ANKRD18B: variants seen among roughly 807,000 people sequenced by gnomAD.
ANKRD18B encodes ankyrin repeat domain-containing protein 18B.
A neutral mutation model predicts 111.8 loss-of-function variants in ANKRD18B; 75 were observed. That is an observed-to-expected ratio of 0.67 (90% confidence interval 0.56 to 0.81). ANKRD18B has a LOEUF of 0.81. Among genes scored for constraint, ANKRD18B ranks in the 40% least tolerant of loss-of-function variants. The pLI is 0.00. For synonymous variants in ANKRD18B, 356 were observed against 417.3 expected, an observed-to-expected ratio of 0.85 and a Z score of 1.79; for missense variants, 1,038 against 1,225.5, an observed-to-expected ratio of 0.85 and a Z score of 2.28.
intron 11 of ANKRD18B, among the ~76,000 whole-genome samples, chr9:33,549,223 T>C (rs559101063): frequency 7.9e-5 from 12 of 152,344 alleles, no homozygotes; most frequent in African/African-American, 2.6e-4. Flanking sequence ...ACAAAGCTGT[T>C]TGAATAAAAA....
intron 2 of ANKRD18B, 36 bp from the exon 3 acceptor site, chr9:33,528,964 G>T: frequency 6.2e-7 from 1 of 1,609,062 alleles, no homozygotes; most frequent in African/African-American, 1.3e-5. Flanking sequence ...TGAATTCTTA[G>T]AATTTATAGT....
chr9:33,559,301 C>T (rs1828572708), intron 14 of ANKRD18B, among the ~76,000 whole-genome samples: 1 of 152,074 alleles, frequency 6.6e-6, no homozygotes, highest in Non-Finnish European at 1.5e-5. Flanking sequence ...ATGCAAATTC[C>T]CCCACAGATG....
At position 33,547,772 on chromosome 9, in the gene ANKRD18B, G is replaced by A. The variant is rs1490393638; in HGVS notation, c.1150-166G>A. ...AATACATTTTTGAACTTTTTGAAAT[G>A]TATGTTCTCTAAGGTTCAAGGTTTT... On this transcript the variant is annotated intron_variant, in intron 10 of 18. Transcript: ENST00000684830. 2.6e-5 allele frequency among the ~76,000 whole-genome samples: 4 copies of A among 151,216 alleles called. No individual in the cohort carries two copies. In the East Asian group the frequency reaches 7.8e-4, roughly 29 times the overall value.
chr9:33,569,629 C>T (rs1265825015), intron 17 of ANKRD18B, among the ~76,000 whole-genome samples: 1 of 152,156 alleles, frequency 6.6e-6, no homozygotes, highest in Non-Finnish European at 1.5e-5. Flanking sequence ...GAATGACAGG[C>T]AACCAAACAC....
At chr9:33,553,706 T>C (rs1828480355) in intron 12 of ANKRD18B, among the ~76,000 whole-genome samples, 1 of 152,168 alleles carries the variant, frequency 6.6e-6, no homozygotes, top group African/African-American at 2.4e-5. Flanking sequence ...GCCATATCTC[T>C]ATGGAAAAGG....
At chr9:33,531,116 T>G (rs542185168) in intron 3 of ANKRD18B, among the ~76,000 whole-genome samples, 29 of 152,356 alleles carry the variant, frequency 1.9e-4, no homozygotes, top group South Asian at 8.3e-4. Context: ...CAATAGGAAT[T>G]CTTTTAATAA....
Position 33,540,120 on chromosome 9 carries a change from G to T in ANKRD18B, c.905G>T (p.Arg302Ile), listed in dbSNP as rs1485290791. 2.6e-5 allele frequency: 4 copies of T among 151,574 alleles called. No homozygotes were observed. The East Asian group carries it at 7.7e-4, about 29-fold the overall frequency. The allele number at this position is 151,574 out of a possible 1,614,324, so 9.4% of individuals were successfully genotyped here. A position where few individuals can be genotyped will look rare whatever the true frequency, so the allele number is the denominator to read the frequency against. The change falls in exon 8 of 19, where the codon AGA becomes ATA. Residue 302 changes from arginine (R) to isoleucine (I), a missense_variant. Physicochemically the swap from Arg to Ile is moderately conservative, Grantham distance 97 (BLOSUM62 -3). This residue lies in a region of ANKRD18B where 93 missense variants were observed against 141.3 expected (regional missense o/e 0.66). Transcript: ENST00000684830. ...HQSGVQWHDL[R>I]LLQPSPPRFK... ...TCTGGAGTCCAGTGGCATGATCTCA[G>T]ATTACTGCAGCCTTCACCTCCCAGG...
intron 12 of ANKRD18B, among the ~76,000 whole-genome samples, chr9:33,554,808 C>A (rs1307168169): frequency 3.9e-5 from 6 of 152,086 alleles, no homozygotes; most frequent in African/African-American, 1.4e-4. Flanking sequence ...CTTTTATATA[C>A]ACTTCAAAAA....
At chr9:33,567,409 G>C in intron 16 of ANKRD18B, 95 bp downstream of exon 16, 1 of 1,023,460 alleles carries the variant, frequency 9.8e-7, no homozygotes. Flanking sequence ...GAGATCAGTA[G>C]GAAGTGAATG....
rs187767226 is a variant in ANKRD18B at position 33,572,503 on chromosome 9, A to C, written c.*69A>C. 14 of 1,395,716 alleles carry C rather than the reference A, an allele frequency of 1.0e-5. No homozygotes were observed. The African/African-American group carries it at 1.6e-4, about 16-fold the overall frequency. 86.5% of individuals were successfully genotyped at this position (1,395,716 alleles called of 1,614,324 possible). ...AATTGTTTCTCATAAAATATAAAACATCACAATCTTTACTAAAGTAGAATA... is the reference window on the plus strand; with the variant it reads ...AATTGTTTCTCATAAAATATAAAACCTCACAATCTTTACTAAAGTAGAATA... On this transcript the variant is annotated 3_prime_UTR_variant, in exon 19 of 19. Transcript: ENST00000684830.
chr9:33,555,646 T>C (rs1456443088), intron 12 of ANKRD18B, 62 bp from the exon 13 acceptor site: 1 of 1,160,140 alleles, frequency 8.6e-7, no homozygotes, highest in Non-Finnish European at 1.1e-6. Flanking sequence ...AGAAATAATA[T>C]TTTTAAGATA....
chr9:33,569,178 T>C, intron 17 of ANKRD18B: 1 of 272,850 alleles, frequency 3.7e-6, no homozygotes, highest in Non-Finnish European at 6.8e-6. Context: ...AAAAAATGCA[T>C]GTTATTGCCT....
In ANKRD18B at chr9:33,543,256, G is replaced by C. The variant is rs1350091874; in HGVS notation, c.1149+1G>C. 6 of 1,545,038 alleles carry C rather than the reference G, an allele frequency of 3.9e-6. No individual in the cohort carries two copies. In the East Asian group the frequency reaches 9.8e-5, roughly 25 times the overall value. On this transcript the variant is annotated splice_donor_variant, in intron 10 of 18. Transcript: ENST00000684830. LOFTEE classifies it high-confidence loss of function. ...AAGAAGTGAAAATAAACAGCCGCAG[G>C]TATATAACAATTTAAATTTCTGGTT...
At chr9:33,547,767 G>A (rs1022454269) in intron 10 of ANKRD18B, among the ~76,000 whole-genome samples, 171 bp from the exon 11 acceptor site, 3 of 149,654 alleles carry the variant, frequency 2.0e-5, no homozygotes, top group Non-Finnish European at 4.4e-5. Flanking sequence ...TGAACTTTTT[G>A]AAATGTATGT....
rs2118151861 is a variant in ANKRD18B, at chr9:33,571,459, G to A, written c.3223+168G>A. ...AAAACAAAAACTTTCACAGTGAAGA[G>A]TATACTTATGCATCATTAATTCATC... On this transcript the variant is annotated intron_variant, in intron 18 of 18. Transcript: ENST00000684830. 4 of 187,642 alleles carry A rather than the reference G, an allele frequency of 2.1e-5. 1 individual carries two copies. In the Middle Eastern group the frequency reaches 0.011, roughly 507 times the overall value. The allele number at this position is 187,642 out of a possible 1,614,324, so 11.6% of individuals were successfully genotyped here. A position where few individuals can be genotyped will look rare whatever the true frequency, so the allele number is the denominator to read the frequency against.
chr9:33,524,975 T>C lies in ANKRD18B; in HGVS notation c.206+280T>C, dbSNP rs9792488. 3.7e-4 allele frequency among the ~76,000 whole-genome samples: 56 copies of C among 152,370 alleles called. No homozygotes were observed. The East Asian group carries it at 0.01, about 28-fold the overall frequency. Reference sequence around the variant, plus strand: ...ACTCATTCCCATGTCAAAAATACCATGAGCCATTTTCAGTAGGCGAAGAGT... The same window carrying C: ...ACTCATTCCCATGTCAAAAATACCACGAGCCATTTTCAGTAGGCGAAGAGT... On this transcript the variant is annotated intron_variant, in intron 1 of 18. Transcript: ENST00000684830.
chr9:33,528,728 A>T lies in ANKRD18B; in HGVS notation c.208A>T (p.Thr70Ser), dbSNP rs1278846950. Residue 70 changes from threonine to serine, a missense_variant and splice_region_variant, in exon 2 of 19, where the codon ACT becomes TCT. This residue lies in a region of ANKRD18B where 216 missense variants were observed against 205.1 expected (regional missense o/e 1.05). Coordinates refer to ENST00000684830, the MANE Select transcript of ANKRD18B (RefSeq NM_001393611.1). The part of the protein sequence containing the change: ...DLDVRDRKDR[T>S]VLHLACAHGR... ...TGAAAACCCCTCTCGCTCTCCTAGG[A>T]CTGTTCTACATTTGGCCTGTGCCCA... is the stretch of plus-strand genomic sequence containing the variant. The T allele has an allele frequency of 1.9e-6, 3 of 1,608,628 alleles. No homozygotes were observed. Among genetic ancestry groups the T allele is most frequent in the Admixed American group, 1.7e-5 (1 of 58,630 alleles).
At chr9:33,571,827 C>G (rs1215775107) in intron 18 of ANKRD18B, 2 of 155,960 alleles carry the variant, frequency 1.3e-5, no homozygotes, top group Non-Finnish European at 2.8e-5. Flanking sequence ...CCTCTTCCCT[C>G]TTTCTGGCAA....
Position 33,571,267 on chromosome 9 carries a change from C to T in ANKRD18B, c.3199C>T (p.Gln1067Ter), listed in dbSNP as rs149381137. Residue 1067 changes from glutamine (Q) to a stop codon, truncating the protein, a stop_gained, in exon 18 of 19, where the codon CAA becomes TAA. Coordinates refer to ENST00000684830, the MANE Select transcript of ANKRD18B (RefSeq NM_001393611.1). LOFTEE classifies it low-confidence loss of function (END_TRUNC). ...LTEMELDCAE[Q>*]IITETKKTFA... ...TTAGATGGAGCTGGACTGTGCAGAACAAATAATTACAGAAACAAAGAAAAG... is the reference window on the plus strand; with the variant it reads ...TTAGATGGAGCTGGACTGTGCAGAATAAATAATTACAGAAACAAAGAAAAG... 2.8e-4 allele frequency: 329 copies of T among 1,161,594 alleles called. 1 individual carries two copies. In the African/African-American group the frequency reaches 4.9e-3, roughly 17 times the overall value. 72.0% of individuals were successfully genotyped at this position (1,161,594 alleles called of 1,614,324 possible). A position where few individuals can be genotyped will look rare whatever the true frequency, so the allele number is the denominator to read the frequency against.
Sources: allele counts gnomAD v4.1 joint callset (sites outside exome capture counted in the v4.1 genomes callset), GRCh38; gene constraint gnomAD v4.1.1; regional missense constraint gnomAD v4.1.1; transcripts MANE v1.5; gene names NCBI Gene and HGNC (gene_info 2026-07-23, HGNC 2026-07-21).